NUSAP1: variants seen among roughly 807,000 people sequenced by gnomAD.
The protein encoded by NUSAP1 is nucleolar and spindle associated protein 1.
In NUSAP1, 32 loss-of-function variants were observed where a neutral mutation model predicts 52.8. That is an observed-to-expected ratio of 0.61 (90% confidence interval 0.46 to 0.81). The LOEUF (loss-of-function observed/expected upper bound fraction) is 0.81, where lower values mean the gene tolerates loss of function less well. Among genes scored for constraint, NUSAP1 ranks in the 40% least tolerant of loss-of-function variants. The pLI is 0.00. For missense variants in NUSAP1, 499 were observed against 522.3 expected (o/e 0.96, Z 0.43); for synonymous variants, 195 against 183.1 (o/e 1.06, Z -0.52).
chr15:41,337,265 C>T (rs1157720098), intron 1 of NUSAP1, among the ~76,000 whole-genome samples: 10 of 152,140 alleles, frequency 6.6e-5, no homozygotes, highest in Admixed American at 2.0e-4. Context: ...GCGATCCTCG[C>T]GCCTTGGCCT....
rs939808455 is a variant in NUSAP1 at position 41,356,565 on chromosome 15, G to A, written c.550+425G>A. Among the ~76,000 whole-genome samples, 42 of 152,060 alleles carry A rather than the reference G, an allele frequency of 2.8e-4. 1 individual carries two copies. The highest frequency in any genetic ancestry group is 6.6e-5 in the Admixed American group (1 of 15,248). Reference sequence around the variant, plus strand: ...AGATGGGGTTTCACCATGTTGGCCAGCATGGTCTCAACTTCTTGACCTCAT... The same window carrying A: ...AGATGGGGTTTCACCATGTTGGCCAACATGGTCTCAACTTCTTGACCTCAT... On this transcript the variant is annotated intron_variant, in intron 5 of 10. Coordinates refer to ENST00000559596, the MANE Select transcript of NUSAP1 (RefSeq NM_016359.5).
intron 1 of NUSAP1, among the ~76,000 whole-genome samples, chr15:41,334,785 C>A (rs909158048): frequency 6.6e-6 from 1 of 152,026 alleles, no homozygotes; most frequent in South Asian, 2.1e-4. Flanking sequence ...TGGGCTCAAG[C>A]GATCCTCCCG....
At chr15:41,375,934 C>T in intron 9 of NUSAP1, 106 bp downstream of exon 9, 1 of 703,836 alleles carries the variant, frequency 1.4e-6, no homozygotes. Context: ...GGCGTGGTGG[C>T]AGGCACCTGT....
intron 6 of NUSAP1, among the ~76,000 whole-genome samples, chr15:41,363,147 C>T (rs1424650025): frequency 1.3e-5 from 2 of 151,828 alleles, no homozygotes; most frequent in African/African-American, 2.4e-5. Context: ...ATTAGCCAGA[C>T]GTGGTGGCAG....
At chr15:41,334,406 C>G (rs1174330101) in intron 1 of NUSAP1, among the ~76,000 whole-genome samples, 4 of 151,768 alleles carry the variant, frequency 2.6e-5, no homozygotes, top group African/African-American at 9.7e-5. Flanking sequence ...GTGAGCCACC[C>G]CACCCGACCT....
chr15:41,358,242 C>G lies in NUSAP1; in HGVS notation c.644C>G (p.Ser215Cys), dbSNP rs761178963. Reference sequence around the variant, plus strand: ...AAGAAACATTTTGAAGAACACAATTCCATGAATGAACTGAAGGTATGTAGA... The same window carrying G: ...AAGAAACATTTTGAAGAACACAATTGCATGAATGAACTGAAGGTATGTAGA... ...RKKKHFEEHN[S>C]MNELKQQPIN... Residue 215 changes from serine (S) to cysteine (C), a missense_variant, in exon 6 of 11, where the codon TCC becomes TGC. Transcript: ENST00000559596. The G allele has an allele frequency of 2.0e-6, 3 of 1,472,712 alleles. No homozygotes were observed. Among genetic ancestry groups the G allele is most frequent in the South Asian group, 1.2e-5 (1 of 85,186 alleles). 91.2% of individuals were successfully genotyped at this position (1,472,712 alleles called of 1,614,324 possible).
chr15:41,378,309 G>A (rs1567081252), intron 10 of NUSAP1, among the ~76,000 whole-genome samples: 1 of 152,096 alleles, frequency 6.6e-6, no homozygotes, highest in East Asian at 1.9e-4. Flanking sequence ...CTATAAAGAG[G>A]AAAAACCCAG....
intron 3 of NUSAP1, among the ~76,000 whole-genome samples, chr15:41,350,596 GTTCTT>G (rs1181770945): frequency 6.6e-6 from 1 of 152,040 alleles, no homozygotes; most frequent in Non-Finnish European, 1.5e-5. Flanking sequence ...AGGAAAACTT[GTTCTT>G]TTCTTTTTAA....
intron 7 of NUSAP1, among the ~76,000 whole-genome samples, chr15:41,368,629 C>T (rs1313192490): frequency 2.6e-5 from 4 of 151,564 alleles, no homozygotes; most frequent in Non-Finnish European, 4.4e-5. Flanking sequence ...TTATTTTCTA[C>T]TTTTTTAAAG....
At chr15:41,371,906 G>A (rs2049714308) in intron 8 of NUSAP1, among the ~76,000 whole-genome samples, 1 of 151,982 alleles carries the variant, frequency 6.6e-6, no homozygotes, top group Non-Finnish European at 1.5e-5. Context: ...GAGTAGCTGG[G>A]ACTACAGACA....
At chr15:41,333,119 C>A in intron 1 of NUSAP1, 69 bp downstream of exon 1, 2 of 1,214,196 alleles carry the variant, frequency 1.6e-6, no homozygotes, top group Non-Finnish European at 2.4e-6. Flanking sequence ...AGATGCGGTG[C>A]GAAGGGACCG....
chr15:41,378,656 G>C (rs1320752608), intron 10 of NUSAP1, among the ~76,000 whole-genome samples: 1 of 152,086 alleles, frequency 6.6e-6, no homozygotes, highest in Non-Finnish European at 1.5e-5. Context: ...TGTAATCCCA[G>C]CTACTCGGGA....
At chr15:41,379,879 A>C (rs2050140339) in intron 10 of NUSAP1, among the ~76,000 whole-genome samples, 1 of 152,168 alleles carries the variant, frequency 6.6e-6, no homozygotes. Flanking sequence ...CTGAGTTAAC[A>C]AAAGGAAAAT....
intron 6 of NUSAP1, among the ~76,000 whole-genome samples, chr15:41,362,275 T>G (rs553679386): frequency 6.6e-6 from 1 of 151,810 alleles, no homozygotes; most frequent in African/African-American, 2.4e-5. Context: ...AAAACTTGTA[T>G]TCCAAGGTAC....
intron 4 of NUSAP1, among the ~76,000 whole-genome samples, chr15:41,352,991 T>C (rs1419929229): frequency 3.3e-5 from 5 of 152,174 alleles, no homozygotes; most frequent in Admixed American, 2.0e-4. Context: ...GTAAGCACCC[T>C]AGGAGGCACA....
At chr15:41,377,677 T>G (rs1286385203) in intron 10 of NUSAP1, among the ~76,000 whole-genome samples, 1 of 126,286 alleles carries the variant, frequency 7.9e-6, no homozygotes, top group African/African-American at 3.1e-5. Flanking sequence ...CTAGCCTGCG[T>G]GACAGAGCCA....
chr15:41,339,816 T>G (rs960413664), intron 1 of NUSAP1, among the ~76,000 whole-genome samples: 2 of 152,048 alleles, frequency 1.3e-5, no homozygotes, highest in Non-Finnish European at 2.9e-5. Context: ...ACTTTCGCTC[T>G]TGTCACCCAG....
chr15:41,365,195 T>C (rs905746606), intron 6 of NUSAP1, among the ~76,000 whole-genome samples: 2 of 152,190 alleles, frequency 1.3e-5, no homozygotes, highest in African/African-American at 4.8e-5. Context: ...TGAGATGTAG[T>C]CTCGCTCTGT....
intron 1 of NUSAP1, among the ~76,000 whole-genome samples, chr15:41,336,594 T>C (rs1024289966): frequency 3.3e-5 from 5 of 151,638 alleles, no homozygotes; most frequent in African/African-American, 1.2e-4. Context: ...AGCGAACTTA[T>C]TTTAAATATG....
Sources: gnomAD v4.1 joint callset for allele counts (sites outside exome capture counted in the v4.1 genomes callset) on GRCh38, gnomAD v4.1.1 for gene constraint, MANE v1.5 for transcripts, NCBI Gene and HGNC (gene_info 2026-07-23, HGNC 2026-07-21) for gene names.